BST1: variants seen among roughly 807,000 people sequenced by gnomAD.
BST1 encodes bone marrow stromal cell antigen 1.
BST1 carries 49 observed loss-of-function variants against 40.6 expected under a neutral mutation model. The observed-to-expected ratio is 1.21, with a 90% CI of 0.96 to 1.53. BST1 has a LOEUF of 1.53. Ranked by LOEUF, BST1 falls within the 40% of genes most tolerant of loss-of-function variation. The probability of loss-of-function intolerance (pLI) is 0.00; values close to 1 mark genes in which losing one functional copy is unlikely to be tolerated. For missense variants in BST1, 423 were observed against 395.9 expected, an observed-to-expected ratio of 1.07 and a Z score of -0.58; for synonymous variants, 157 against 159.3, an observed-to-expected ratio of 0.99 and a Z score of 0.11.
At chr4:15,722,468 T>C (rs546519719) in intron 7 of BST1, among the ~76,000 whole-genome samples, 1 of 152,192 alleles carries the variant, frequency 6.6e-6, no homozygotes, top group Non-Finnish European at 1.5e-5. Context: ...CACTCTGTTA[T>C]CCAGGCTGGA....
chr4:15,759,656 G>A, the BST1 span, among the ~76,000 whole-genome samples: 2 of 151,560 alleles, frequency 1.3e-5, no homozygotes, highest in African/African-American at 2.4e-5. Flanking sequence ...AAGAGGCAGC[G>A]TATGACTATT....
At chr4:15,747,654 T>C in the BST1 span, among the ~76,000 whole-genome samples, 5 of 152,188 alleles carry the variant, frequency 3.3e-5, no homozygotes, top group East Asian at 1.9e-4. Flanking sequence ...ATAAATCTTA[T>C]CTAGTTTTTA....
chr4:15,711,479 G>A (rs1720200812), intron 3 of BST1, among the ~76,000 whole-genome samples: 1 of 152,084 alleles, frequency 6.6e-6, no homozygotes, highest in Non-Finnish European at 1.5e-5. Flanking sequence ...GTTGTTTGTG[G>A]GTTTTTAAAC....
At chr4:15,711,947 C>T (rs1720238561) in intron 4 of BST1, 58 bp downstream of exon 4, 15 of 1,463,412 alleles carry the variant, frequency 1.0e-5, no homozygotes, top group Non-Finnish European at 1.3e-5. Context: ...AGAGATGGAA[C>T]ATAGTCATTC....
At chr4:15,705,442 G>T in intron 1 of BST1, 73 bp from the exon 2 acceptor site, 6 of 1,477,462 alleles carry the variant, frequency 4.1e-6, no homozygotes, top group South Asian at 1.4e-5. Context: ...AAAGCTCTTA[G>T]ACAAATGGGC....
At chr4:15,766,620 C>T in the BST1 span, among the ~76,000 whole-genome samples, 1 of 151,668 alleles carries the variant, frequency 6.6e-6, no homozygotes, top group Non-Finnish European at 1.5e-5. Flanking sequence ...ATGCAGCTGT[C>T]TTACATGAAT....
At chr4:15,763,168 T>C in the BST1 span, among the ~76,000 whole-genome samples, 2 of 152,002 alleles carry the variant, frequency 1.3e-5, no homozygotes, top group African/African-American at 4.8e-5. Context: ...GTTACTTTTT[T>C]CTACATGACT....
At chr4:15,768,628 G>A in the BST1 span, among the ~76,000 whole-genome samples, 1 of 152,006 alleles carries the variant, frequency 6.6e-6, no homozygotes, top group Non-Finnish European at 1.5e-5. Flanking sequence ...CGAGTAGCTG[G>A]GACTACAGGC....
the BST1 span, among the ~76,000 whole-genome samples, chr4:15,770,015 T>A: frequency 6.6e-6 from 1 of 152,172 alleles, no homozygotes; most frequent in Non-Finnish European, 1.5e-5. Context: ...AACTTTTGTA[T>A]TTTCAGTAGA....
chr4:15,741,424 T>C (rs1339845359), downstream of BST1, among the ~76,000 whole-genome samples: 4 of 152,180 alleles, frequency 2.6e-5, no homozygotes, highest in Admixed American at 6.5e-5. Context: ...ATGGGGAAAG[T>C]ACTGAAACAT....
In BST1 at chr4:15,716,470, C is replaced by T. The variant is rs573617551; in HGVS notation, c.704+671C>T. On this transcript the variant is annotated intron_variant, in intron 6 of 8. Transcript: ENST00000265016. ...GCCTTGTCCTTCAGAACAGTCCCTC[C>T]GTGCTACATGGAGGAAGGTATTACT... 1.4e-4 allele frequency among the ~76,000 whole-genome samples: 21 copies of T among 152,274 alleles called. 1 individual carries two copies. The highest frequency in any genetic ancestry group is 5.8e-4 in the East Asian group (3 of 5,178).
At chr4:15,746,119 G>A in the BST1 span, among the ~76,000 whole-genome samples, 1 of 152,198 alleles carries the variant, frequency 6.6e-6, no homozygotes, top group African/African-American at 2.4e-5. Context: ...TAGACTCAAA[G>A]GCTGTGACAA....
chr4:15,746,318 C>T, the BST1 span, among the ~76,000 whole-genome samples: 1 of 152,148 alleles, frequency 6.6e-6, no homozygotes, highest in Non-Finnish European at 1.5e-5. Context: ...GGTTCCAAGC[C>T]CTTGCATTAC....
At chr4:15,711,919 A>G in intron 4 of BST1, 30 bp downstream of exon 4, 1 of 1,585,152 alleles carries the variant, frequency 6.3e-7, no homozygotes, top group South Asian at 1.1e-5. Flanking sequence ...TGAGTGGTTG[A>G]GCATGTGTGG....
At chr4:15,715,094 G>A (rs1476180992) in intron 4 of BST1, among the ~76,000 whole-genome samples, 191 bp from the exon 5 acceptor site, 5 of 152,144 alleles carry the variant, frequency 3.3e-5, no homozygotes, top group African/African-American at 4.8e-5. Context: ...CTGAGTCTAT[G>A]AGTTTTTTGA....
the BST1 span, among the ~76,000 whole-genome samples, chr4:15,760,385 A>T: frequency 6.6e-6 from 1 of 151,692 alleles, no homozygotes; most frequent in African/African-American, 2.4e-5. Context: ...GCCTTTATGA[A>T]CCTTCATGTA....
chr4:15,722,847 T>C (rs1553865308), intron 7 of BST1, 28 bp from the exon 8 acceptor site: 2 of 1,598,082 alleles, frequency 1.3e-6, no homozygotes, highest in South Asian at 1.1e-5. Flanking sequence ...ATTTAAATAA[T>C]CCCTTAAATA....
At chr4:15,736,914 G>A (rs575178511), downstream of BST1, among the ~76,000 whole-genome samples, 1 of 152,126 alleles carries the variant, frequency 6.6e-6, no homozygotes, top group Non-Finnish European at 1.5e-5. Flanking sequence ...GATCAGATTG[G>A]GTGAGAACCT....
At chr4:15,703,368 A>G (rs1341728063) in intron 1 of BST1, 36 bp downstream of exon 1, 2 of 1,426,162 alleles carry the variant, frequency 1.4e-6, no homozygotes, top group South Asian at 1.3e-5. Context: ...GGAGCCGGAA[A>G]GAGGCAACGG....
Sources: allele counts gnomAD v4.1 joint callset (sites outside exome capture counted in the v4.1 genomes callset), GRCh38; gene constraint gnomAD v4.1.1; transcripts MANE v1.5; gene names NCBI Gene and HGNC (gene_info 2026-07-23, HGNC 2026-07-21).